The following KIAA1217 variants were observed in gnomAD, a reference collection of about 807,000 sequenced individuals.
The protein encoded by KIAA1217 is KIAA1217.
A neutral mutation model predicts 163.9 loss-of-function variants in KIAA1217; 88 were observed. That is an observed-to-expected ratio of 0.54 (90% CI 0.45 to 0.64). The LOEUF (loss-of-function observed/expected upper bound fraction) is 0.64. KIAA1217 is among the 30% of genes least tolerant of loss of function. KIAA1217 has a pLI of 0.00. For missense variants in KIAA1217, 2,372 were observed against 2,475.0 expected (o/e 0.96, Z 0.88); for synonymous variants, 903 against 923.1 (o/e 0.98, Z 0.39).
At chr10:24,487,896 C>T (rs1482558548) in intron 6 of KIAA1217, among the ~76,000 whole-genome samples, 4 of 152,122 alleles carry the variant, frequency 2.6e-5, no homozygotes, top group Admixed American at 2.0e-4. Flanking sequence ...CAGAAAGCAA[C>T]GTCAGTATAG....
At chr10:24,059,427 T>C (rs1302614875) in intron 2 of KIAA1217, among the ~76,000 whole-genome samples, 1 of 152,192 alleles carries the variant, frequency 6.6e-6, no homozygotes, top group Non-Finnish European at 1.5e-5. Flanking sequence ...TTCCTCAGTT[T>C]TTTGGAAGTG....
At chr10:24,163,489 A>G (rs1564775648) in intron 2 of KIAA1217, among the ~76,000 whole-genome samples, 1 of 152,340 alleles carries the variant, frequency 6.6e-6, no homozygotes, top group African/African-American at 2.4e-5. Flanking sequence ...AAAATGGACA[A>G]TTTTCCAATG....
intron 10 of KIAA1217, among the ~76,000 whole-genome samples, chr10:24,516,868 A>G (rs78741356): frequency 3.9e-5 from 6 of 152,264 alleles, no homozygotes; most frequent in East Asian, 3.9e-4. Context: ...TTTGAAATAT[A>G]TATCCTTTTG....
At chr10:24,287,754 G>C (rs2078688588) in intron 2 of KIAA1217, among the ~76,000 whole-genome samples, 1 of 152,170 alleles carries the variant, frequency 6.6e-6, no homozygotes, top group Non-Finnish European at 1.5e-5. Context: ...GACCTCTGCT[G>C]TCTATCAAAT....
At chr10:24,439,718 A>G (rs1382779170) in intron 5 of KIAA1217, among the ~76,000 whole-genome samples, 1 of 149,320 alleles carries the variant, frequency 6.7e-6, no homozygotes, top group African/African-American at 2.5e-5. Flanking sequence ...CTCTTCCTCC[A>G]TCTTCAAACC....
At chr10:23,847,890 G>A (rs754989391) in intron 1 of KIAA1217, among the ~76,000 whole-genome samples, 3 of 152,108 alleles carry the variant, frequency 2.0e-5, no homozygotes, top group Non-Finnish European at 4.4e-5. Context: ...TGCTTTAAGT[G>A]TGTCCCAGAG....
chr10:24,416,758 C>T (rs891950473), intron 3 of KIAA1217, among the ~76,000 whole-genome samples: 1 of 152,124 alleles, frequency 6.6e-6, no homozygotes, highest in South Asian at 2.1e-4. Context: ...CTCCCTCCAG[C>T]TCCCTTCCGC....
Position 23,831,289 on chromosome 10 carries a change from GAA to G in KIAA1217, c.-321+136065_-321+136066del, listed in dbSNP as rs565586461. On this transcript the variant is annotated intron_variant, in intron 1 of 18. Coordinates refer to the KIAA1217 transcript ENST00000376462. ...CATGAAACTGAAAAGCTTTTACACA[GAA>G]AAAAAAAAATGGAAAACCAAAAAAC... Among the ~76,000 whole-genome samples the G allele has an allele frequency of 5.7e-3, 781 of 137,572 alleles. 11 individuals are homozygous for G. The highest frequency in any genetic ancestry group is 0.019 in the African/African-American group (704 of 37,710). The allele number at this position is 137,572 out of a possible 152,430, so 90.3% of individuals were successfully genotyped here. A position where few individuals can be genotyped will look rare whatever the true frequency, so the allele number is the denominator to read the frequency against.
chr10:24,391,926 C>G (rs1219649339), intron 3 of KIAA1217, among the ~76,000 whole-genome samples: 2 of 152,162 alleles, frequency 1.3e-5, no homozygotes, highest in African/African-American at 4.8e-5. Context: ...GAAAAATACT[C>G]TAATTCAAAA....
chr10:23,971,134 G>A (rs139314989), intron 1 of KIAA1217, among the ~76,000 whole-genome samples: 43 of 152,290 alleles, frequency 2.8e-4, no homozygotes, highest in African/African-American at 9.1e-4. Context: ...TTGTTTTCCC[G>A]TGTGCACAGT....
chr10:24,024,693 A>G (rs1847869093), intron 2 of KIAA1217, among the ~76,000 whole-genome samples: 1 of 151,738 alleles, frequency 6.6e-6, no homozygotes, highest in South Asian at 2.1e-4. Flanking sequence ...GCAATGTATG[A>G]GAATTTCATT....
At chr10:24,383,807 T>C (rs928794423) in intron 3 of KIAA1217, among the ~76,000 whole-genome samples, 23 of 152,184 alleles carry the variant, frequency 1.5e-4, no homozygotes, top group Non-Finnish European at 2.8e-4. Context: ...TTGTGGCCGA[T>C]TGGGGAATGT....
chr10:24,363,698 A>G, intron 2 of KIAA1217, among the ~76,000 whole-genome samples: 1 of 151,712 alleles, frequency 6.6e-6, no homozygotes, highest in Admixed American at 6.6e-5. Context: ...TAGCCTCCCA[A>G]GTAGCTGAGA....
chr10:24,136,002 AT>A (rs1564741568), intron 2 of KIAA1217, among the ~76,000 whole-genome samples: 1 of 152,178 alleles, frequency 6.6e-6, no homozygotes, highest in African/African-American at 2.4e-5. Flanking sequence ...TTTGGAGACA[AT>A]TTTAACATTT....
At chr10:24,246,069 G>A (rs2073767199) in intron 2 of KIAA1217, among the ~76,000 whole-genome samples, 1 of 152,072 alleles carries the variant, frequency 6.6e-6, no homozygotes, top group South Asian at 2.1e-4. Context: ...GGGTTGCACG[G>A]GCTCCGTTCA....
intron 2 of KIAA1217, among the ~76,000 whole-genome samples, chr10:24,125,604 A>G (rs544176125): frequency 2.5e-4 from 38 of 152,166 alleles, no homozygotes; most frequent in African/African-American, 8.4e-4. Flanking sequence ...AAGTAGTCCA[A>G]GATTTTCACA....
intron 2 of KIAA1217, among the ~76,000 whole-genome samples, chr10:24,038,872 C>T (rs1452414977): frequency 6.6e-6 from 1 of 151,556 alleles, no homozygotes; most frequent in Admixed American, 6.6e-5. Flanking sequence ...CTGCCTCAGC[C>T]TCTTGGGACT....
chr10:23,971,681 A>G (rs2131393197), intron 1 of KIAA1217, among the ~76,000 whole-genome samples: 1 of 152,308 alleles, frequency 6.6e-6, no homozygotes, highest in East Asian at 1.9e-4. Flanking sequence ...TTATTTTTTG[A>G]CATATTTTGA....
At chr10:24,534,523 C>T (rs1263767224) in intron 16 of KIAA1217, among the ~76,000 whole-genome samples, 1 of 151,988 alleles carries the variant, frequency 6.6e-6, no homozygotes, top group African/African-American at 2.4e-5. Context: ...ATTTGATGCC[C>T]TCTTTGACCA....
Sources: gnomAD v4.1 joint callset for allele counts (sites outside exome capture counted in the v4.1 genomes callset) on GRCh38, gnomAD v4.1.1 for gene constraint, MANE v1.5 for transcripts, NCBI Gene and HGNC (gene_info 2026-07-23, HGNC 2026-07-21) for gene names.